USP53: variants seen among roughly 807,000 people sequenced by gnomAD.
USP53 encodes ubiquitin specific peptidase 53, also known as ubiquitin carboxyl-terminal hydrolase 53.
Under a neutral mutation model 94.9 loss-of-function variants are expected in USP53, and 71 were observed. The observed-to-expected ratio is 0.75, with a 90% confidence interval of 0.62 to 0.91. The LOEUF (loss-of-function observed/expected upper bound fraction) is 0.91, where lower values mean the gene tolerates loss of function less well. Among genes scored for constraint, USP53 ranks in the 40% least tolerant of loss-of-function variants. The probability of loss-of-function intolerance (pLI) is 0.00; values close to 1 mark genes in which losing one functional copy is unlikely to be tolerated. For synonymous variants in USP53, 375 were observed against 422.7 expected, an observed-to-expected ratio of 0.89 and a Z score of 1.39; for missense variants, 1,173 against 1,281.0, an observed-to-expected ratio of 0.92 and a Z score of 1.29.
In USP53 at chr4:119,245,329, T is replaced by C. The variant is rs1748091240; in HGVS notation, c.145-8T>C. ...TTTCTTTTTCCTTAACATCTCCCTG[T>C]TTTTTAGGTTTTATGGCAATTGGAT... On this transcript the variant is annotated splice_polypyrimidine_tract_variant and splice_region_variant and intron_variant, in intron 5 of 18. Transcript: ENST00000692078. 2 of 1,612,128 alleles carry C rather than the reference T, an allele frequency of 1.2e-6. No homozygotes were observed. The highest frequency in any genetic ancestry group is 1.7e-6 in the Non-Finnish European group (2 of 1,179,244).
intron 3 of USP53, chr4:119,218,942 A>G (rs777854501): frequency 4.6e-5 from 7 of 152,302 alleles, no homozygotes; most frequent in East Asian, 3.9e-4. Flanking sequence ...AGATGTTAAT[A>G]TGAAGTTTTA....
chr4:119,293,192 G>T lies in USP53; in HGVS notation c.3203G>T (p.Cys1068Phe). ...TCTTTTCCAGAGAGCAGTGGCTTTT[G>T]TAATAATTCACTATCTTAGAGTGAA... is the stretch of plus-strand genomic sequence containing the variant. Reference protein sequence around the residue: ...KLSFPESSGFCNNSLS With the variant: ...KLSFPESSGFFNNSLS The change falls in exon 19 of 19, where the codon TGT becomes TTT. Residue 1068 changes from cysteine to phenylalanine, a missense_variant. Coordinates refer to ENST00000692078, the MANE Select transcript of USP53 (RefSeq NM_001371395.1). 3 of 1,601,624 alleles carry T rather than the reference G, an allele frequency of 1.9e-6. No individual in the cohort carries two copies. The highest frequency in any genetic ancestry group is 2.5e-6 in the Non-Finnish European group (3 of 1,177,632).
chr4:119,246,015 T>A (rs1391211555), intron 6 of USP53, among the ~76,000 whole-genome samples: 4 of 152,004 alleles, frequency 2.6e-5, no homozygotes, highest in African/African-American at 9.7e-5. Context: ...GGCCTTGAGG[T>A]ATGAGTATAC....
Position 119,239,782 on chromosome 4 carries a change from G to A in USP53, c.23G>A (p.Arg8Gln), listed in dbSNP as rs774479208. 42 of 1,611,280 alleles carry A rather than the reference G, an allele frequency of 2.6e-5. 1 individual carries two copies. The Admixed American group carries it at 4.5e-4, about 17-fold the overall frequency. Residue 8 changes from arginine (R) to glutamine (Q), a missense_variant, in exon 5 of 19, where the codon CGG (arginine) becomes CAG (glutamine). Coordinates refer to ENST00000692078, the MANE Select transcript of USP53 (RefSeq NM_001371395.1). ...AAAATGGCATGGGTAAAATTCTTAC[G>A]GAAACCTGGTGGCAATCTTGGAAAA... MAWVKFL[R>Q]KPGGNLGKVY... is the part of the protein sequence containing the mutation.
intron 3 of USP53, among the ~76,000 whole-genome samples, chr4:119,231,304 A>G (rs1746044610): frequency 6.6e-6 from 1 of 152,206 alleles, no homozygotes; most frequent in South Asian, 2.1e-4. Context: ...GGTAGAACCT[A>G]ATATATCTCA....
chr4:119,235,453 T>A (rs1746606891), intron 4 of USP53, 42 bp downstream of exon 4: 1 of 151,448 alleles, frequency 6.6e-6, no homozygotes, highest in East Asian at 1.9e-4. Flanking sequence ...TTTTTTTTGA[T>A]TTTTTGTAGA....
At chr4:119,278,158 G>T (rs1417691601) in intron 17 of USP53, among the ~76,000 whole-genome samples, 47 of 147,670 alleles carry the variant, frequency 3.2e-4, no homozygotes, top group Admixed American at 7.4e-4. Context: ...GTTAGCTGGT[G>T]ATTTTGCTCG....
intron 9 of USP53, among the ~76,000 whole-genome samples, chr4:119,257,872 C>T (rs752881923): frequency 1.8e-4 from 27 of 152,130 alleles, no homozygotes; most frequent in Non-Finnish European, 3.2e-4. Flanking sequence ...AAGTTAAAAA[C>T]TAAAATTTTA....
chr4:119,217,190 G>C (rs1001038550), intron 2 of USP53, among the ~76,000 whole-genome samples: 1 of 152,134 alleles, frequency 6.6e-6, no homozygotes, highest in Non-Finnish European at 1.5e-5. Flanking sequence ...GGTATTCTTT[G>C]CCCATCAGAT....
In USP53 at chr4:119,291,155, C is replaced by A; in HGVS notation, c.2252-10C>A. ...TCCTCATCTCTTCTCCCCACCCCAC[C>A]CAACCCTAGGCTTTAGAAAAGAACT... On this transcript the variant is annotated splice_polypyrimidine_tract_variant and intron_variant, in intron 17 of 18. Coordinates refer to ENST00000692078, the MANE Select transcript of USP53 (RefSeq NM_001371395.1). 2 of 1,289,252 alleles carry A rather than the reference C, an allele frequency of 1.6e-6. No homozygotes were observed. The highest frequency in any genetic ancestry group is 1.6e-5 in the South Asian group (1 of 64,428). The allele number at this position is 1,289,252 out of a possible 1,614,324, so 79.9% of individuals were successfully genotyped here. A position where few individuals can be genotyped will look rare whatever the true frequency, so the allele number is the denominator to read the frequency against.
chr4:119,244,255 A>C (rs1375653030), intron 5 of USP53, among the ~76,000 whole-genome samples: 1 of 152,238 alleles, frequency 6.6e-6, no homozygotes, highest in Non-Finnish European at 1.5e-5. Context: ...TATCTGTGAC[A>C]GAAAAATGGA....
At position 119,269,682 on chromosome 4, in the gene USP53, C is replaced by A. The variant is rs756570021; in HGVS notation, c.1289-9C>A. 3 of 1,382,692 alleles carry A rather than the reference C, an allele frequency of 2.2e-6. No homozygotes were observed. The highest frequency in any genetic ancestry group is 2.8e-5 in the Admixed American group (1 of 35,164). The allele number at this position is 1,382,692 out of a possible 1,614,324, so 85.7% of individuals were successfully genotyped here. On this transcript the variant is annotated splice_polypyrimidine_tract_variant and intron_variant, in intron 14 of 18. Coordinates refer to ENST00000692078, the MANE Select transcript of USP53 (RefSeq NM_001371395.1). ...ATCTGTATCATAGTAAGAATGATTT[C>A]TTTTACAGCTAAGTTAAGTCACATT...
intron 2 of USP53, among the ~76,000 whole-genome samples, chr4:119,215,680 T>C (rs192748723): frequency 5.3e-5 from 8 of 152,284 alleles, no homozygotes; most frequent in Admixed American, 3.9e-4. Flanking sequence ...ACATTATTCA[T>C]AGGGGGCTTC....
At position 119,261,804 on chromosome 4, in the gene USP53, C is replaced by A; in HGVS notation, c.912C>A (p.Ala304=). 6.6e-7 allele frequency: 1 copy of A among 1,519,246 alleles called. No homozygotes were observed. Among genetic ancestry groups the A allele is most frequent in the South Asian group, 1.3e-5 (1 of 76,854 alleles). The allele number at this position is 1,519,246 out of a possible 1,614,324, so 94.1% of individuals were successfully genotyped here. A position where few individuals can be genotyped will look rare whatever the true frequency, so the allele number is the denominator to read the frequency against. ...MICYTSQHYC[A]FAFHTKSSKW... The stretch of plus-strand genomic sequence containing the variant: ...GCTACACCAGCCAACATTATTGTGC[C>A]TTTGCATTTCACACCAAAAGTTCCA... Residue 304 remains alanine, a synonymous_variant, in exon 12 of 19, where the codon GCC becomes GCA. Coordinates refer to ENST00000692078, the MANE Select transcript of USP53 (RefSeq NM_001371395.1).
chr4:119,290,008 G>C (rs764486063), intron 17 of USP53, among the ~76,000 whole-genome samples: 1 of 152,086 alleles, frequency 6.6e-6, no homozygotes, highest in Non-Finnish European at 1.5e-5. Context: ...ATTTTTATTA[G>C]AGCTGTTTTA....
intron 7 of USP53, among the ~76,000 whole-genome samples, chr4:119,253,997 A>G (rs10022262): frequency 0.29 from 43,874 of 152,004 alleles, 6,491 homozygotes; most frequent in East Asian, 0.39. Flanking sequence ...GGCTGGATAT[A>G]AAATTCTGGG....
At position 119,292,694 on chromosome 4, in the gene USP53, G is replaced by A. The variant is rs754728594; in HGVS notation, c.2705G>A (p.Arg902Gln). The A allele has an allele frequency of 1.7e-5, 28 of 1,613,878 alleles. No homozygotes were observed. The highest frequency in any genetic ancestry group is 3.3e-5 in the Admixed American group (2 of 59,986). The change falls in exon 19 of 19, where the codon CGG becomes CAG. Residue 902 changes from arginine (R) to glutamine (Q), a missense_variant. Transcript: ENST00000692078. The part of the protein sequence containing the change: ...ENSLSTECII[R>Q]SASRSDGCQM... ...TCTCTATCCACAGAATGTATAATTC[G>A]GTCAGCCAGCAGATCTGATGGGTGT...
intron 7 of USP53, among the ~76,000 whole-genome samples, chr4:119,251,066 C>T (rs1748929014): frequency 6.6e-6 from 1 of 151,496 alleles, no homozygotes; most frequent in Non-Finnish European, 1.5e-5. Flanking sequence ...GCCCCCCACC[C>T]CCCACAGGCC....
Position 119,292,973 on chromosome 4 carries a change from C to T in USP53, c.2984C>T (p.Thr995Ile), listed in dbSNP as rs769298179. The change falls in exon 19 of 19, where the codon ACA becomes ATA. Residue 995 changes from threonine to isoleucine, a missense_variant. Coordinates refer to ENST00000692078, the MANE Select transcript of USP53 (RefSeq NM_001371395.1). ...CAAGTGAGAGAATGTTTTGGCAACA[C>T]ACCAAACTGTCCATCCAGCTCCTCA... ...TFQVRECFGN[T>I]PNCPSSSSTN... The T allele has an allele frequency of 1.2e-6, 2 of 1,614,102 alleles. No homozygotes were observed. The highest frequency in any genetic ancestry group is 1.7e-6 in the Non-Finnish European group (2 of 1,179,966).
Sources: gnomAD v4.1 joint callset for allele counts (sites outside exome capture counted in the v4.1 genomes callset) on GRCh38, gnomAD v4.1.1 for gene constraint, MANE v1.5 for transcripts, NCBI Gene and HGNC (gene_info 2026-07-23, HGNC 2026-07-21) for gene names.